Variants in AHDC1 observed in about 807,000 individuals in gnomAD.
The protein encoded by AHDC1 is transcription factor Gibbin.
In AHDC1, 7 loss-of-function variants were observed where a neutral mutation model predicts 87.9. The ratio of observed to expected loss-of-function variants is 0.08; its 90% CI spans 0.05 to 0.15. AHDC1 has a LOEUF of 0.15. Ranked by LOEUF, AHDC1 falls within the 10% of genes least tolerant of loss-of-function variation. The pLI, the probability that AHDC1 is intolerant of heterozygous loss-of-function variation, is 1.00. For synonymous variants in AHDC1, 1,051 were observed against 1,006.8 expected, an observed-to-expected ratio of 1.04 and a Z score of -0.83; for missense variants, 1,841 against 2,253.2, an observed-to-expected ratio of 0.82 and a Z score of 3.70.
At chr1:27,585,974 C>T (rs1036720520) in intron 3 of AHDC1, among the ~76,000 whole-genome samples, 1 of 152,196 alleles carries the variant, frequency 6.6e-6, no homozygotes, top group East Asian at 1.9e-4. Flanking sequence ...ATCATACCCC[C>T]GGATATGTCC....
chr1:27,565,191 C>T lies in AHDC1; in HGVS notation c.-628-6308G>A, dbSNP rs1481689330. ...AGCTTTGTTCCCCCCACCCACCCGC[C>T]GAGGGGGCCCAGCATGCCTTGCGTG... On this transcript the variant is annotated intron_variant, in intron 3 of 8. Coordinates refer to ENST00000673934, the MANE Select transcript of AHDC1 (RefSeq NM_001371928.1). The surrounding 1 kb of genome is among the most constrained non-coding windows in gnomAD (Gnocchi z 4.6). 2.0e-5 allele frequency among the ~76,000 whole-genome samples: 3 copies of T among 152,130 alleles called. No homozygotes were observed. Among genetic ancestry groups the T allele is most frequent in the African/African-American group, 4.8e-5 (2 of 41,424 alleles).
At chr1:27,592,050 C>G (rs1254885760) in intron 3 of AHDC1, among the ~76,000 whole-genome samples, 1 of 152,172 alleles carries the variant, frequency 6.6e-6, no homozygotes, top group Non-Finnish European at 1.5e-5. Context: ...GAAGGGCCAG[C>G]CGAATTCCTC....
rs1445724041 is a variant in AHDC1, at chr1:27,587,828, A to G, written c.-629+15569T>C. Among the ~76,000 whole-genome samples, 4 of 152,312 alleles carry G rather than the reference A, an allele frequency of 2.6e-5. No individual in the cohort carries two copies. The East Asian group carries it at 7.7e-4, about 29-fold the overall frequency. Reference sequence around the variant, plus strand: ...CATCCTTGCACGACGAACCTTGCTCATAGAGGTTGTATGACTTGCCTAAGG... The same window carrying G: ...CATCCTTGCACGACGAACCTTGCTCGTAGAGGTTGTATGACTTGCCTAAGG... On this transcript the variant is annotated intron_variant, in intron 3 of 8. Coordinates refer to ENST00000673934, the MANE Select transcript of AHDC1 (RefSeq NM_001371928.1).
At chr1:27,600,865 C>T (rs2089511640) in intron 3 of AHDC1, among the ~76,000 whole-genome samples, 1 of 152,106 alleles carries the variant, frequency 6.6e-6, no homozygotes, top group African/African-American at 2.4e-5. Flanking sequence ...GTGGGGGTAA[C>T]AAAGTCCCCC....
At position 27,561,781 on chromosome 1, in the gene AHDC1, G is replaced by A. The variant is rs1488183223; in HGVS notation, c.-628-2898C>T. On this transcript the variant is annotated intron_variant, in intron 3 of 8. Coordinates refer to ENST00000673934, the MANE Select transcript of AHDC1 (RefSeq NM_001371928.1). The surrounding 1 kb of genome is among the most constrained non-coding windows in gnomAD (Gnocchi z 4.2). ...ACACAGGGAGACACAGAGACATGGG[G>A]AGAGAAACAGAGACAGAGAGACAGA... Among the ~76,000 whole-genome samples the A allele has an allele frequency of 6.6e-6, 1 of 152,158 alleles. No individual in the cohort carries two copies. Among genetic ancestry groups the A allele is most frequent in the Non-Finnish European group, 1.5e-5 (1 of 68,024 alleles).
intron 3 of AHDC1, among the ~76,000 whole-genome samples, chr1:27,591,140 CG>C (rs747386894): frequency 4.4e-4 from 67 of 152,324 alleles, no homozygotes; most frequent in Non-Finnish European, 8.7e-4. Context: ...CCAAAGGGAG[CG>C]GCACAACTGA....
chr1:27,556,275 C>T (rs543689461), intron 5 of AHDC1, among the ~76,000 whole-genome samples: 1 of 150,742 alleles, frequency 6.6e-6, no homozygotes, highest in South Asian at 2.1e-4. Flanking sequence ...GCTGCCAGCC[C>T]CAGCTCTCAC....
chr1:27,541,791 G>A (rs563660637), intron 8 of AHDC1, among the ~76,000 whole-genome samples: 13 of 152,038 alleles, frequency 8.6e-5, no homozygotes, highest in Middle Eastern at 3.4e-3. Flanking sequence ...CATCATGCCC[G>A]GCTAATTTTC....
chr1:27,558,957 C>T lies in AHDC1; in HGVS notation c.-628-74G>A, dbSNP rs557152193. On this transcript the variant is annotated intron_variant, in intron 3 of 8. Coordinates refer to ENST00000673934, the MANE Select transcript of AHDC1 (RefSeq NM_001371928.1). This position sits in a 1 kb window ranked among gnomAD's most constrained non-coding sequence, Gnocchi z 5.6. ...AGCCAGCCAGACAGCAGGGTGCAGG[C>T]GGACACTGAGCCAGGAAGCTCTCCT... 14 of 398,374 alleles carry T rather than the reference C, an allele frequency of 3.5e-5. No homozygotes were observed. The highest frequency in any genetic ancestry group is 1.2e-4 in the African/African-American group (6 of 48,702). 24.7% of individuals were successfully genotyped at this position (398,374 alleles called of 1,614,324 possible). A position where few individuals can be genotyped will look rare whatever the true frequency, so the allele number is the denominator to read the frequency against.
rs763297041 is a variant in AHDC1 at position 27,550,803 on chromosome 1, G to C, written c.1313C>G (p.Pro438Arg). The C allele has an allele frequency of 6.4e-7, 1 of 1,565,730 alleles. No homozygotes were observed. The highest frequency in any genetic ancestry group is 1.4e-5 in the African/African-American group (1 of 73,782). ...GACCGGGCCTGGGCCTGGCAGGGCA[G>C]GGGGTGGAGGAGGCGGTGGTGGTGG... ...EPPPPPPPPP[P>R]ALPGPGPVSV... Residue 438 changes from proline (P) to arginine (R), a missense_variant, in exon 8 of 9, where the codon CCT (proline) becomes CGT (arginine). Physicochemically the swap from Pro to Arg is moderately radical, Grantham distance 103. Coordinates refer to ENST00000673934, the MANE Select transcript of AHDC1 (RefSeq NM_001371928.1).
chr1:27,584,261 C>A (rs566218037), intron 3 of AHDC1, among the ~76,000 whole-genome samples: 1 of 152,264 alleles, frequency 6.6e-6, no homozygotes, highest in East Asian at 1.9e-4. Flanking sequence ...GCTCTGATGC[C>A]AACCCCAGGG....
At chr1:27,575,619 C>G (rs1399609373) in intron 3 of AHDC1, among the ~76,000 whole-genome samples, 1 of 151,640 alleles carries the variant, frequency 6.6e-6, no homozygotes, top group Non-Finnish European at 1.5e-5. Flanking sequence ...GCGCGCAGCC[C>G]GGGCTGCCAA....
intron 8 of AHDC1, among the ~76,000 whole-genome samples, chr1:27,545,991 G>A (rs2019148925): frequency 6.6e-6 from 1 of 152,136 alleles, no homozygotes; most frequent in Non-Finnish European, 1.5e-5. Flanking sequence ...TGGCAGAGAG[G>A]GGGCAACAAG....
intron 3 of AHDC1, among the ~76,000 whole-genome samples, chr1:27,597,884 T>A (rs2089420258): frequency 6.6e-6 from 1 of 152,130 alleles, no homozygotes; most frequent in African/African-American, 2.4e-5. Context: ...CTTTCTTTTC[T>A]CTAAGTCTCT....
intron 8 of AHDC1, among the ~76,000 whole-genome samples, chr1:27,544,834 C>A (rs543811728): frequency 6.6e-6 from 1 of 152,190 alleles, no homozygotes; most frequent in Non-Finnish European, 1.5e-5. Flanking sequence ...CAACACTAGC[C>A]CTGCTCCACG....
At chr1:27,582,279 G>A (rs2088930312) in intron 3 of AHDC1, among the ~76,000 whole-genome samples, 1 of 152,256 alleles carries the variant, frequency 6.6e-6, no homozygotes, top group South Asian at 2.1e-4. Context: ...GACTCAGTCA[G>A]ATTGTTGTCT....
intron 3 of AHDC1, among the ~76,000 whole-genome samples, chr1:27,578,721 G>A (rs1271170784): frequency 6.6e-6 from 1 of 150,400 alleles, no homozygotes; most frequent in African/African-American, 2.4e-5. Flanking sequence ...TTTTGACACG[G>A]AGTCTTACAC....
rs1003928942 is a variant in AHDC1 at position 27,562,336 on chromosome 1, CGACT to C, written c.-628-3457_-628-3454del. The stretch of plus-strand genomic sequence containing the variant: ...CCAATATCCTCCCCGGTGCACTGAT[CGACT>C]GACTACCTGAGCTCCCGGCCCGCGC... On this transcript the variant is annotated intron_variant, in intron 3 of 8. Transcript: ENST00000673934. The surrounding 1 kb of genome is among the most constrained non-coding windows in gnomAD (Gnocchi z 4.4). Among the ~76,000 whole-genome samples the C allele has an allele frequency of 6.6e-6, 1 of 152,102 alleles. No homozygotes were observed. Among genetic ancestry groups the C allele is most frequent in the African/African-American group, 2.4e-5 (1 of 41,402 alleles).
chr1:27,600,550 G>A (rs1232186108), intron 3 of AHDC1, among the ~76,000 whole-genome samples: 1 of 152,172 alleles, frequency 6.6e-6, no homozygotes, highest in African/African-American at 2.4e-5. Flanking sequence ...GGTTTGCCTG[G>A]AGGAAGCCCC....
Sources: gnomAD v4.1 joint callset for allele counts (sites outside exome capture counted in the v4.1 genomes callset) on GRCh38, gnomAD v4.1.1 for gene constraint, Gnocchi (gnomAD v3.1) non-coding constraint, MANE v1.5 for transcripts, NCBI Gene and HGNC (gene_info 2026-07-23, HGNC 2026-07-21) for gene names.